The following PDGFD variants were observed in gnomAD, a reference collection of about 807,000 sequenced individuals.
PDGFD encodes the protein platelet derived growth factor D, also known as platelet-derived growth factor D.
In PDGFD, 30 loss-of-function variants were observed where a neutral mutation model predicts 44.7. The observed-to-expected ratio is 0.67, with a 90% CI of 0.50 to 0.91. PDGFD has a LOEUF of 0.91. Ranked by LOEUF, PDGFD falls within the 40% of genes least tolerant of loss-of-function variation. The pLI, the probability that PDGFD is intolerant of heterozygous loss-of-function variation, is 0.00. For synonymous variants in PDGFD, 173 were observed against 168.4 expected (o/e 1.03, Z -0.21); for missense variants, 445 against 457.8 (o/e 0.97, Z 0.25).
At chr11:104,085,114 T>C in intron 1 of PDGFD, among the ~76,000 whole-genome samples, 1 of 150,478 alleles carries the variant, frequency 6.6e-6, no homozygotes, top group East Asian at 1.9e-4. Context: ...TGTACTTTTT[T>C]TATATATATT....
chr11:103,957,464 C>G (rs1168340123), intron 3 of PDGFD, among the ~76,000 whole-genome samples: 1 of 152,148 alleles, frequency 6.6e-6, no homozygotes, highest in Admixed American at 6.6e-5. Flanking sequence ...TGACTTCAAA[C>G]TATACTACAA....
chr11:104,159,902 TA>T (rs1195244052), intron 1 of PDGFD, among the ~76,000 whole-genome samples: 1 of 152,212 alleles, frequency 6.6e-6, no homozygotes, highest in Non-Finnish European at 1.5e-5. Flanking sequence ...TATAAAATGA[TA>T]TTATCCATGG....
intron 1 of PDGFD, among the ~76,000 whole-genome samples, chr11:104,041,931 TA>T (rs1860360527): frequency 6.6e-6 from 1 of 152,184 alleles, no homozygotes; most frequent in African/African-American, 2.4e-5. Flanking sequence ...ATGCCAGTTA[TA>T]AAAGGGCCAT....
intron 5 of PDGFD, among the ~76,000 whole-genome samples, chr11:103,929,411 G>C (rs769571575): frequency 3.3e-5 from 5 of 152,168 alleles, no homozygotes; most frequent in Admixed American, 1.3e-4. Context: ...CCAAAGTACA[G>C]CATGCCTTCC....
Position 103,947,843 on chromosome 11 carries a change from C to T in PDGFD, c.511-119G>A, listed in dbSNP as rs1200343148. On this transcript the variant is annotated intron_variant, in intron 3 of 6. Transcript: ENST00000393158. Reference sequence around the variant, plus strand: ...CAACTAAGTGACAACAGACATAGGGCTATATTCCTGCTGAACAGGTCACCA... The same window carrying T: ...CAACTAAGTGACAACAGACATAGGGTTATATTCCTGCTGAACAGGTCACCA... The T allele has an allele frequency of 5.3e-6, 4 of 752,612 alleles. No individual in the cohort carries two copies. In the African/African-American group the frequency reaches 6.8e-5, roughly 13 times the overall value. The allele number at this position is 752,612 out of a possible 1,614,324, so 46.6% of individuals were successfully genotyped here. A position where few individuals can be genotyped will look rare whatever the true frequency, so the allele number is the denominator to read the frequency against.
At chr11:103,978,814 A>C (rs1859220209) in intron 3 of PDGFD, among the ~76,000 whole-genome samples, 1 of 152,082 alleles carries the variant, frequency 6.6e-6, no homozygotes, top group Non-Finnish European at 1.5e-5. Context: ...TCTAGTGAAA[A>C]AACATAAATC....
intron 1 of PDGFD, among the ~76,000 whole-genome samples, chr11:104,117,056 G>A (rs1051226554): frequency 6.6e-6 from 1 of 151,894 alleles, no homozygotes; most frequent in African/African-American, 2.4e-5. Context: ...TTTCATACCA[G>A]GGATGCAGGG....
intron 1 of PDGFD, among the ~76,000 whole-genome samples, chr11:104,102,506 G>A (rs1861403237): frequency 1.3e-5 from 2 of 152,174 alleles, no homozygotes; most frequent in Non-Finnish European, 2.9e-5. Flanking sequence ...CAACCATTGT[G>A]GAAGTCAGTT....
intron 3 of PDGFD, among the ~76,000 whole-genome samples, chr11:103,963,955 T>C (rs977824358): frequency 6.6e-6 from 1 of 152,140 alleles, no homozygotes; most frequent in Non-Finnish European, 1.5e-5. Flanking sequence ...TTGGGGGCTA[T>C]AAGACACTTT....
intron 1 of PDGFD, among the ~76,000 whole-genome samples, chr11:104,032,421 C>G (rs1402335614): frequency 6.6e-6 from 1 of 152,132 alleles, no homozygotes; most frequent in Non-Finnish European, 1.5e-5. Context: ...GTCTTGATTA[C>G]ACGTTAAAGG....
At position 104,047,512 on chromosome 11, in the gene PDGFD, T is replaced by C. The variant is rs568422440; in HGVS notation, c.125-47257A>G. Reference sequence around the variant, plus strand: ...ACCAGTGATGATGCGCTTTTTTTCATGTTTGTTGGCTGCATAAACACCTTC... The same window carrying C: ...ACCAGTGATGATGCGCTTTTTTTCACGTTTGTTGGCTGCATAAACACCTTC... On this transcript the variant is annotated intron_variant, in intron 1 of 6. Coordinates refer to ENST00000393158, the MANE Select transcript of PDGFD (RefSeq NM_025208.5). Among the ~76,000 whole-genome samples, 38 of 147,514 alleles carry C rather than the reference T, an allele frequency of 2.6e-4. 2 individuals are homozygous for C. Among genetic ancestry groups the C allele is most frequent in the African/African-American group, 9.1e-4 (37 of 40,616 alleles).
intron 1 of PDGFD, among the ~76,000 whole-genome samples, chr11:104,024,829 T>C (rs771588111): frequency 2.6e-5 from 4 of 152,242 alleles, no homozygotes; most frequent in East Asian, 3.9e-4. Context: ...TATTTGCACA[T>C]GTAAGTGTCA....
intron 1 of PDGFD, among the ~76,000 whole-genome samples, chr11:104,071,540 A>C (rs1467596191): frequency 6.6e-6 from 1 of 151,760 alleles, no homozygotes; most frequent in Non-Finnish European, 1.5e-5. Context: ...CTTCATATGT[A>C]AGTAAAAGTA....
At chr11:104,012,756 C>T (rs571891102) in intron 1 of PDGFD, among the ~76,000 whole-genome samples, 2 of 152,230 alleles carry the variant, frequency 1.3e-5, no homozygotes, top group Non-Finnish European at 2.9e-5. Context: ...TGGGGCTCCA[C>T]TTCATGTTTT....
In PDGFD at chr11:103,907,202, C is replaced by T. The variant is rs1857947000; in HGVS notation, c.*2492G>A. ...ATAATGGAGTAGTTTTGTTCAAAAG[C>T]AATATTTATTTTTCATGAAGATAAG... On this transcript the variant is annotated 3_prime_UTR_variant, in exon 7 of 7. Transcript: ENST00000393158. 6.6e-6 allele frequency: 1 copy of T among 151,434 alleles called. No homozygotes were observed. The highest frequency in any genetic ancestry group is 6.6e-5 in the Admixed American group (1 of 15,188). The allele number at this position is 151,434 out of a possible 1,614,324, so 9.4% of individuals were successfully genotyped here.
chr11:103,948,777 T>C (rs542027924), intron 3 of PDGFD, among the ~76,000 whole-genome samples: 3 of 152,200 alleles, frequency 2.0e-5, no homozygotes, highest in African/African-American at 7.2e-5. Context: ...TAATTGGTTA[T>C]GATGAGGCTG....
intron 1 of PDGFD, among the ~76,000 whole-genome samples, chr11:104,098,706 G>A (rs619954): frequency 0.7 from 106,480 of 151,270 alleles, 37,791 homozygotes; most frequent in East Asian, 0.98. Flanking sequence ...TGTAGGGATG[G>A]GGTCTAGCTA....
Position 103,907,476 on chromosome 11 carries a change from A to G in PDGFD, c.*2218T>C, listed in dbSNP as rs537580191. The G allele has an allele frequency of 1.3e-5, 2 of 152,352 alleles. No individual in the cohort carries two copies. Among genetic ancestry groups the G allele is most frequent in the South Asian group, 4.1e-4 (2 of 4,834 alleles). 9.4% of individuals were successfully genotyped at this position (152,352 alleles called of 1,614,324 possible). A position where few individuals can be genotyped will look rare whatever the true frequency, so the allele number is the denominator to read the frequency against. ...GCTATCAAATAGATTTATTGGCTAC[A>G]TGTTAGAAGTGCAAAAGATAACAGG... On this transcript the variant is annotated 3_prime_UTR_variant, in exon 7 of 7. Coordinates refer to ENST00000393158, the MANE Select transcript of PDGFD (RefSeq NM_025208.5).
intron 1 of PDGFD, among the ~76,000 whole-genome samples, chr11:104,132,128 T>A: frequency 6.6e-6 from 1 of 152,096 alleles, no homozygotes; most frequent in South Asian, 2.1e-4. Context: ...CTCTTTTTAT[T>A]TAATTGTATG....
Sources: allele counts gnomAD v4.1 joint callset (sites outside exome capture counted in the v4.1 genomes callset), GRCh38; gene constraint gnomAD v4.1.1; transcripts MANE v1.5; gene names NCBI Gene and HGNC (gene_info 2026-07-23, HGNC 2026-07-21).